Variants in HMGN3 observed in about 807,000 individuals in gnomAD.
HMGN3 encodes the protein high mobility group nucleosome-binding domain-containing protein 3.
HMGN3 carries 6 observed loss-of-function variants against 18.8 expected under a neutral mutation model. The observed-to-expected ratio is 0.32, with a 90% CI of 0.18 to 0.63. The LOEUF is 0.63. HMGN3 is among the 30% of genes least tolerant of loss of function. The pLI, the probability that HMGN3 is intolerant of heterozygous loss-of-function variation, is 0.79. For synonymous variants in HMGN3, 40 were observed against 36.5 expected (o/e 1.10, Z -0.35); for missense variants, 107 against 114.2 (o/e 0.94, Z 0.29).
chr6:79,206,469 C>G (rs1776425480), intron 3 of HMGN3, among the ~76,000 whole-genome samples: 2 of 152,186 alleles, frequency 1.3e-5, no homozygotes. Flanking sequence ...AAGCCCCAAG[C>G]TTTGGCAGCT....
At chr6:79,209,161 T>C (rs1044362722) in intron 2 of HMGN3, among the ~76,000 whole-genome samples, 2 of 152,254 alleles carry the variant, frequency 1.3e-5, no homozygotes, top group Non-Finnish European at 2.9e-5. Flanking sequence ...TCAAAGGATT[T>C]AACCAGAATT....
intron 2 of HMGN3, among the ~76,000 whole-genome samples, chr6:79,214,499 C>A (rs1284362756): frequency 1.3e-5 from 2 of 152,120 alleles, no homozygotes. Context: ...CTGCGCCCGG[C>A]CTATAGTTTT....
intron 3 of HMGN3, among the ~76,000 whole-genome samples, chr6:79,207,141 T>A (rs545752624): frequency 6.6e-6 from 1 of 152,288 alleles, no homozygotes; most frequent in East Asian, 1.9e-4. Flanking sequence ...GACTTTTGAG[T>A]TAATGCTGAA....
rs142088365 is a variant in HMGN3, at chr6:79,201,850, T to C, written c.262-124A>G. On this transcript the variant is annotated intron_variant, in intron 5 of 5. Transcript: ENST00000344726. ...TTTTCTTTTTTTTTTCCAGCTTTAC[T>C]GCAAAACCTATTTCAACTCTGAGTG... 138 of 1,469,204 alleles carry C rather than the reference T, an allele frequency of 9.4e-5. 1 individual carries two copies. In the Middle Eastern group the frequency reaches 2.5e-3, roughly 27 times the overall value. The allele number at this position is 1,469,204 out of a possible 1,614,324, so 91.0% of individuals were successfully genotyped here.
chr6:79,215,607 C>A (rs1298381116), intron 1 of HMGN3, among the ~76,000 whole-genome samples: 1 of 152,226 alleles, frequency 6.6e-6, no homozygotes, highest in East Asian at 1.9e-4. Context: ...CTACGTGCCA[C>A]CCTCAGCTGA....
intron 1 of HMGN3, among the ~76,000 whole-genome samples, chr6:79,230,077 T>A (rs751363193): frequency 2.0e-5 from 3 of 152,070 alleles, no homozygotes; most frequent in Non-Finnish European, 4.4e-5. Flanking sequence ...AATGAGTATA[T>A]CCATACAATG....
intron 1 of HMGN3, chr6:79,234,291 C>A (rs938224198): frequency 2.6e-5 from 10 of 386,508 alleles, no homozygotes; most frequent in Non-Finnish European, 4.2e-5. Flanking sequence ...AACATTCCAG[C>A]GAGAATGAGT....
At chr6:79,216,980 T>G (rs1346401504) in intron 1 of HMGN3, among the ~76,000 whole-genome samples, 2 of 152,198 alleles carry the variant, frequency 1.3e-5, no homozygotes, top group Non-Finnish European at 2.9e-5. Flanking sequence ...GTTAATGACA[T>G]TATTTTCATA....
intron 2 of HMGN3, among the ~76,000 whole-genome samples, chr6:79,212,368 C>A (rs917586483): frequency 6.6e-6 from 1 of 152,172 alleles, no homozygotes; most frequent in Non-Finnish European, 1.5e-5. Context: ...ATTCACTATT[C>A]TCCTTCCTTA....
chr6:79,216,106 C>T (rs1353255016), intron 1 of HMGN3, among the ~76,000 whole-genome samples: 1 of 152,076 alleles, frequency 6.6e-6, no homozygotes, highest in East Asian at 1.9e-4. Context: ...TTAATATAAT[C>T]GTTTCAAAGA....
At chr6:79,217,022 T>C (rs1018228976) in intron 1 of HMGN3, among the ~76,000 whole-genome samples, 1 of 152,212 alleles carries the variant, frequency 6.6e-6, no homozygotes, top group South Asian at 2.1e-4. Flanking sequence ...TGACAGGCAA[T>C]ATGATGGAGT....
At chr6:79,209,775 C>T (rs898080689) in intron 2 of HMGN3, among the ~76,000 whole-genome samples, 14 of 152,228 alleles carry the variant, frequency 9.2e-5, no homozygotes, top group African/African-American at 3.1e-4. Flanking sequence ...GCCATCTCCA[C>T]ATCTAAGAAC....
chr6:79,220,499 T>A (rs989255408), intron 1 of HMGN3, among the ~76,000 whole-genome samples: 1 of 152,188 alleles, frequency 6.6e-6, no homozygotes, highest in African/African-American at 2.4e-5. Flanking sequence ...CAGGCTGGAG[T>A]GCAATGGCGC....
At chr6:79,202,328 G>A (rs1407169801) in exon 5 of HMGN3, 2 of 1,613,992 alleles carry the variant, frequency 1.2e-6, no homozygotes, top group Non-Finnish European at 8.5e-7. Context: ...TTCCTTTCCA[G>A]CTTCCTGCTT....
At position 79,220,577 on chromosome 6, in the gene HMGN3, G is replaced by A. The variant is rs149147465; in HGVS notation, c.16-5555C>T. On this transcript the variant is annotated intron_variant, in intron 1 of 5. Transcript: ENST00000344726. ...TTCTCCTGCCTCAGCCTCCAGAGTA[G>A]CTGGGATTACAGGTGCGTGCCACCA... Among the ~76,000 whole-genome samples, 541 of 152,266 alleles carry A rather than the reference G, an allele frequency of 3.6e-3. 4 individuals are homozygous for A. Among genetic ancestry groups the A allele is most frequent in the African/African-American group, 0.012 (495 of 41,566 alleles).
At position 79,210,234 on chromosome 6, in the gene HMGN3, GT is replaced by G. The variant is rs566397778; in HGVS notation, c.67-1659del. 3.1e-3 allele frequency among the ~76,000 whole-genome samples: 476 copies of G among 152,182 alleles called. 2 individuals are homozygous for G. Among genetic ancestry groups the G allele is most frequent in the African/African-American group, 1.0e-2 (414 of 41,514 alleles). On this transcript the variant is annotated intron_variant, in intron 2 of 5. Transcript: ENST00000344726. ...AACCGGGCAATAAGAGGTATCTTGTGTTTTTTTAATGTACTTTCTGAGCATA... is the reference window on the plus strand; with the variant it reads ...AACCGGGCAATAAGAGGTATCTTGTGTTTTTTAATGTACTTTCTGAGCATA...
rs1055280367 is a variant in HMGN3, at chr6:79,214,903, A to C, written c.66+69T>G. 8.1e-6 allele frequency: 7 copies of C among 868,042 alleles called. No homozygotes were observed. The African/African-American group carries it at 1.2e-4, about 15-fold the overall frequency. 53.8% of individuals were successfully genotyped at this position (868,042 alleles called of 1,614,324 possible). A position where few individuals can be genotyped will look rare whatever the true frequency, so the allele number is the denominator to read the frequency against. On this transcript the variant is annotated intron_variant, in intron 2 of 5. Transcript: ENST00000344726. ...AATTGTCCGCATTTCATTCAGATGC[A>C]GACAATCCTAACAATATTAAACATT... is the stretch of plus-strand genomic sequence containing the variant.
intron 1 of HMGN3, among the ~76,000 whole-genome samples, chr6:79,226,195 C>T (rs1777558967): frequency 6.6e-6 from 1 of 152,128 alleles, no homozygotes; most frequent in Non-Finnish European, 1.5e-5. Flanking sequence ...CACTAAATCC[C>T]AATATTTTCC....
chr6:79,230,580 T>C (rs1777792491), intron 1 of HMGN3, among the ~76,000 whole-genome samples: 1 of 152,200 alleles, frequency 6.6e-6, no homozygotes, highest in South Asian at 2.1e-4. Flanking sequence ...TCATTATTCT[T>C]AATATTGTAC....
Sources: gnomAD v4.1 joint callset for allele counts (sites outside exome capture counted in the v4.1 genomes callset) on GRCh38, gnomAD v4.1.1 for gene constraint, MANE v1.5 for transcripts, NCBI Gene and HGNC (gene_info 2026-07-23, HGNC 2026-07-21) for gene names.